KIAA1549L: variants seen among roughly 807,000 people sequenced by gnomAD.
KIAA1549L encodes UPF0606 protein KIAA1549L.
Under a neutral mutation model 160.7 loss-of-function variants are expected in KIAA1549L, and 88 were observed. The observed-to-expected ratio is 0.55, with a 90% CI of 0.46 to 0.65. KIAA1549L has a LOEUF of 0.65. Among genes scored for constraint, KIAA1549L ranks in the 30% least tolerant of loss-of-function variants. The pLI is 0.00. For missense variants in KIAA1549L, 2,258 were observed against 2,437.5 expected (o/e 0.93, Z 1.55); for synonymous variants, 950 against 976.7 (o/e 0.97, Z 0.51).
At chr11:33,549,750 T>C (rs902064708) in intron 4 of KIAA1549L, among the ~76,000 whole-genome samples, 1 of 152,114 alleles carries the variant, frequency 6.6e-6, no homozygotes, top group South Asian at 2.1e-4. Flanking sequence ...ATGCCTATAA[T>C]CCCAACACTT....
At chr11:33,461,638 G>A (rs1851945038) in intron 1 of KIAA1549L, among the ~76,000 whole-genome samples, 1 of 152,112 alleles carries the variant, frequency 6.6e-6, no homozygotes, top group Non-Finnish European at 1.5e-5. Flanking sequence ...TGTTGCTATT[G>A]CTAAATTAAT....
In KIAA1549L at chr11:33,504,434, C is replaced by CCCTTA. The variant is rs1315806637; in HGVS notation, c.239-37364_239-37363insACCTT. 2.9e-3 allele frequency among the ~76,000 whole-genome samples: 429 copies of CCCTTA among 147,554 alleles called. 2 individuals are homozygous for CCCTTA. The highest frequency in any genetic ancestry group is 9.0e-3 in the African/African-American group (364 of 40,480). Reference sequence around the variant, plus strand: ...ATCAAATAGGTATCATTGCAGATTTCCCTTCCCTTCCCTTCCCTTCCCTTC... The same window carrying CCCTTA: ...ATCAAATAGGTATCATTGCAGATTTCCCTTACCTTCCCTTCCCTTCCCTTCCCTTC... On this transcript the variant is annotated intron_variant, in intron 1 of 20. Transcript: ENST00000658780.
intron 1 of KIAA1549L, among the ~76,000 whole-genome samples, chr11:33,394,620 C>T (rs952574953): frequency 1.2e-4 from 19 of 152,282 alleles, no homozygotes; most frequent in African/African-American, 4.1e-4. Flanking sequence ...GCATCTGTCA[C>T]GGCTCCTGTT....
intron 16 of KIAA1549L, among the ~76,000 whole-genome samples, chr11:33,625,606 GTTTGTTTTT>G (rs1343643876): frequency 6.6e-6 from 1 of 151,832 alleles, no homozygotes; most frequent in African/African-American, 2.4e-5. Flanking sequence ...TGATGGGGTT[GTTTGTTTTT>G]TTCTTGTAAA....
chr11:33,530,439 ATATATATATATATATATATATATAT>A (rs1565171221), intron 1 of KIAA1549L, among the ~76,000 whole-genome samples: 12 of 3,738 alleles, frequency 3.2e-3, no homozygotes, highest in African/African-American at 0.015. Context: ...AAAAAAAAAT[ATATATATATATATATATATATATAT>A]ATATATATAT....
intron 1 of KIAA1549L, among the ~76,000 whole-genome samples, chr11:33,530,481 A>T (rs1305359113): frequency 7.7e-6 from 1 of 129,484 alleles, no homozygotes; most frequent in Non-Finnish European, 1.6e-5. Flanking sequence ...ATATATATAT[A>T]TATGCAAGAT....
At chr11:33,384,006 T>C (rs1274556028) in intron 1 of KIAA1549L, among the ~76,000 whole-genome samples, 2 of 152,194 alleles carry the variant, frequency 1.3e-5, no homozygotes, top group African/African-American at 4.8e-5. Context: ...GTGAAATTCA[T>C]CCTTTGTAGG....
chr11:33,479,124 CT>C (rs1417257559), intron 1 of KIAA1549L, among the ~76,000 whole-genome samples: 1 of 152,154 alleles, frequency 6.6e-6, no homozygotes, highest in Admixed American at 6.5e-5. Context: ...TTTTTATCCT[CT>C]TTGCCTTTGT....
At chr11:33,454,276 C>T (rs1257590713) in intron 1 of KIAA1549L, among the ~76,000 whole-genome samples, 2 of 152,182 alleles carry the variant, frequency 1.3e-5, no homozygotes, top group Non-Finnish European at 2.9e-5. Flanking sequence ...AACTCCAGTT[C>T]TAGCACCCCG....
intron 1 of KIAA1549L, chr11:33,403,228 GACACAAACACACATATGCAGAC>G (rs1850540474): frequency 2.1e-4 from 2 of 9,326 alleles, no homozygotes; most frequent in African/African-American, 6.1e-4. Context: ...TGCAGACACA[GACACAAACACACATATGCAGAC>G]ACACACACAG....
chr11:33,593,243 A>G (rs1039210341), intron 12 of KIAA1549L, among the ~76,000 whole-genome samples: 7 of 152,196 alleles, frequency 4.6e-5, no homozygotes, highest in African/African-American at 1.7e-4. Flanking sequence ...CAACGTGGGC[A>G]ACCAAGCAAG....
intron 1 of KIAA1549L, among the ~76,000 whole-genome samples, chr11:33,438,958 G>A (rs1053285650): frequency 3.3e-5 from 5 of 150,918 alleles, no homozygotes; most frequent in Admixed American, 2.7e-4. Flanking sequence ...ACAGAGTCTT[G>A]CTCTGTTGCA....
At chr11:33,606,918 A>G (rs1287517415) in intron 14 of KIAA1549L, 96 bp downstream of exon 14, 9 of 1,076,110 alleles carry the variant, frequency 8.4e-6, no homozygotes, top group Non-Finnish European at 1.2e-5. Context: ...TGCAGATTGC[A>G]CCTAGGGCCG....
intron 1 of KIAA1549L, among the ~76,000 whole-genome samples, chr11:33,429,455 C>G (rs1045382756): frequency 7.2e-5 from 11 of 152,172 alleles, no homozygotes; most frequent in Non-Finnish European, 1.6e-4. Context: ...TCCAGGGTTG[C>G]TCTTATCGAG....
At position 33,427,533 on chromosome 11, in the gene KIAA1549L, CT is replaced by C. The variant is rs543416100; in HGVS notation, c.238+50646del. Reference sequence around the variant, plus strand: ...TATACTCCCTCCGTCCCTATTTCTCCTTCCTCTTTTTCAGCAAACCCCCTTG... The same window carrying C: ...TATACTCCCTCCGTCCCTATTTCTCCTCCTCTTTTTCAGCAAACCCCCTTG... On this transcript the variant is annotated intron_variant, in intron 1 of 20. Coordinates refer to ENST00000658780, the MANE Select transcript of KIAA1549L (RefSeq NM_012194.3). Among the ~76,000 whole-genome samples the C allele has an allele frequency of 1.8e-3, 276 of 152,290 alleles. 1 individual carries two copies. Among genetic ancestry groups the C allele is most frequent in the Non-Finnish European group, 2.8e-3 (193 of 68,016 alleles).
At chr11:33,485,296 T>C (rs1258319972) in intron 1 of KIAA1549L, among the ~76,000 whole-genome samples, 1 of 152,230 alleles carries the variant, frequency 6.6e-6, no homozygotes, top group Non-Finnish European at 1.5e-5. Context: ...GAGGTTGATT[T>C]CTTTTATTAT....
rs541997792 is a variant in KIAA1549L at position 33,545,209 on chromosome 11, G to A, written c.3216G>A (p.Thr1072=). The A allele has an allele frequency of 3.8e-5, 62 of 1,613,982 alleles. No homozygotes were observed. The highest frequency in any genetic ancestry group is 1.0e-4 in the Admixed American group (6 of 60,018). Residue 1072 remains threonine (T), a synonymous_variant, in exon 3 of 21, where the codon ACG becomes ACA. Transcript: ENST00000658780. ...CCACGCCACGCCCACTGACAGTCAC[G>A]GCCGCGCTGACATCCATTACAGCCT... ...RASTPRPLTV[T]AALTSITASV...
chr11:33,392,237 C>A (rs1850285066), intron 1 of KIAA1549L, among the ~76,000 whole-genome samples: 1 of 152,190 alleles, frequency 6.6e-6, no homozygotes, highest in South Asian at 2.1e-4. Flanking sequence ...AGTTGTCAAA[C>A]ACACGGAAAA....
rs1447364209 is a variant in KIAA1549L at position 33,435,794 on chromosome 11, A to ATGTGTGTGTG, written c.238+58906_238+58907insGTGTGTGTGT. 7.7e-4 allele frequency among the ~76,000 whole-genome samples: 25 copies of ATGTGTGTGTG among 32,336 alleles called. 1 individual carries two copies. The highest frequency in any genetic ancestry group is 4.4e-3 in the African/African-American group (20 of 4,506). 21.2% of individuals were successfully genotyped at this position (32,336 alleles called of 152,430 possible). A position where few individuals can be genotyped will look rare whatever the true frequency, so the allele number is the denominator to read the frequency against. ...TATATATATATATATATATATATAT[A>ATGTGTGTGTG]TATATATATATATATATGTGTGTGT... On this transcript the variant is annotated intron_variant, in intron 1 of 20. Transcript: ENST00000658780.
Sources: allele counts gnomAD v4.1 joint callset (sites outside exome capture counted in the v4.1 genomes callset), GRCh38; gene constraint gnomAD v4.1.1; transcripts MANE v1.5; gene names NCBI Gene and HGNC (gene_info 2026-07-23, HGNC 2026-07-21).